The following XPNPEP3 variants were observed in gnomAD, a reference collection of about 807,000 sequenced individuals.
XPNPEP3 encodes xaa-Pro aminopeptidase 3.
In XPNPEP3, 41 loss-of-function variants were observed where a neutral mutation model predicts 60.0. The observed-to-expected ratio is 0.68, with a 90% CI of 0.53 to 0.89. The LOEUF is 0.89. Ranked by LOEUF, XPNPEP3 falls within the 40% of genes least tolerant of loss-of-function variation. XPNPEP3 has a pLI of 0.00. For missense variants in XPNPEP3, 598 were observed against 638.9 expected, an observed-to-expected ratio of 0.94 and a Z score of 0.69; for synonymous variants, 212 against 223.2, an observed-to-expected ratio of 0.95 and a Z score of 0.45.
intron 3 of XPNPEP3, 57 bp downstream of exon 3, chr22:40,882,234 T>C: frequency 6.3e-7 from 1 of 1,598,768 alleles, no homozygotes; most frequent in Non-Finnish European, 8.6e-7. Flanking sequence ...AAACCTTTCT[T>C]GCCTGTTTAG....
At chr22:40,884,081 A>T (rs2058058776) in intron 3 of XPNPEP3, among the ~76,000 whole-genome samples, 1 of 152,172 alleles carries the variant, frequency 6.6e-6, no homozygotes, top group South Asian at 2.1e-4. Context: ...TGTAAGTTCT[A>T]ATACATTTGA....
chr22:40,889,183 A>G (rs896911847), intron 4 of XPNPEP3, among the ~76,000 whole-genome samples: 2 of 148,824 alleles, frequency 1.3e-5, no homozygotes, highest in Admixed American at 1.3e-4. Flanking sequence ...GGCACATACC[A>G]CCATGGCTGT....
At chr22:40,899,523 C>T (rs2058122927) in intron 4 of XPNPEP3, among the ~76,000 whole-genome samples, 1 of 151,838 alleles carries the variant, frequency 6.6e-6, no homozygotes, top group South Asian at 2.1e-4. Context: ...TATCCATATG[C>T]AAAAGAATGA....
intron 7 of XPNPEP3, among the ~76,000 whole-genome samples, chr22:40,916,684 T>C (rs773689889): frequency 1.3e-5 from 2 of 152,012 alleles, no homozygotes; most frequent in Non-Finnish European, 2.9e-5. Context: ...TGAAAAGAGG[T>C]GGAGGAGGAG....
intron 1 of XPNPEP3, chr22:40,861,954 G>A (rs1255453340): frequency 3.1e-6 from 5 of 1,609,816 alleles, no homozygotes; most frequent in Non-Finnish European, 4.2e-6. Context: ...CTCAGGTGAA[G>A]CATATCTTTG....
chr22:40,861,152 A>G, intron 1 of XPNPEP3: 1 of 1,614,122 alleles, frequency 6.2e-7, no homozygotes, highest in Non-Finnish European at 8.5e-7. Context: ...CTGCTGAGAA[A>G]ATAGGGGGAT....
intron 2 of XPNPEP3, among the ~76,000 whole-genome samples, chr22:40,877,229 A>G (rs2058031128): frequency 6.6e-6 from 1 of 152,204 alleles, no homozygotes; most frequent in South Asian, 2.1e-4. Context: ...CCTGTTTTAC[A>G]TTATAAAGGA....
chr22:40,875,395 T>G (rs1290574836), intron 2 of XPNPEP3, among the ~76,000 whole-genome samples: 1 of 152,132 alleles, frequency 6.6e-6, no homozygotes, highest in Non-Finnish European at 1.5e-5. Context: ...ACTTATATAA[T>G]TTTTTTAAAT....
At chr22:40,858,830 T>TAGGAAA (rs2057923133) in intron 1 of XPNPEP3, among the ~76,000 whole-genome samples, 1 of 152,170 alleles carries the variant, frequency 6.6e-6, no homozygotes, top group Admixed American at 6.5e-5. Context: ...GCGCCCGGCT[T>TAGGAAA]AGGAAAAGAT....
chr22:40,892,575 C>A (rs2058092179), intron 4 of XPNPEP3, among the ~76,000 whole-genome samples: 1 of 152,190 alleles, frequency 6.6e-6, no homozygotes, highest in Admixed American at 6.6e-5. Flanking sequence ...TCCACTAAGG[C>A]TCTCTTATTT....
chr22:40,879,950 C>G (rs1326813632), intron 2 of XPNPEP3, among the ~76,000 whole-genome samples: 2 of 150,556 alleles, frequency 1.3e-5, no homozygotes, highest in Non-Finnish European at 3.0e-5. Context: ...TCACTTGAAC[C>G]CAGGAGGTAA....
rs1018473750 is a variant in XPNPEP3, at chr22:40,894,464, G to A, written c.792+7949G>A. On this transcript the variant is annotated intron_variant, in intron 4 of 9. Coordinates refer to ENST00000357137, the MANE Select transcript of XPNPEP3 (RefSeq NM_022098.4). ...CAGTGGTTACTGCAGTCAAGCAAAT[G>A]CCTTTATATTAATTTGAATGCAAAC... Among the ~76,000 whole-genome samples, 7 of 152,150 alleles carry A rather than the reference G, an allele frequency of 4.6e-5. 1 individual carries two copies. Among genetic ancestry groups the A allele is most frequent in the Non-Finnish European group, 1.0e-4 (7 of 68,022 alleles).
At chr22:40,924,214 C>G (rs1296757235) in intron 8 of XPNPEP3, 148 bp from the exon 9 acceptor site, 1 of 1,089,172 alleles carries the variant, frequency 9.2e-7, no homozygotes, top group African/African-American at 1.5e-5. Context: ...TTTTCAGGTG[C>G]CTTTAAGTAT....
Position 40,898,225 on chromosome 22 carries a change from A to ATTTTTTTTTTTTTTTT in XPNPEP3, c.793-9338_793-9323dup, listed in dbSNP as rs71200626. On this transcript the variant is annotated intron_variant, in intron 4 of 9. Coordinates refer to ENST00000357137, the MANE Select transcript of XPNPEP3 (RefSeq NM_022098.4). ...TGTTTTATGTTTAGGTCTTTGACCC[A>ATTTTTTTTTTTTTTTT]TTTTTTTTTTTTTTTTTTTTTTTTT... Among the ~76,000 whole-genome samples, 4 of 28,784 alleles carry ATTTTTTTTTTTTTTTT rather than the reference A, an allele frequency of 1.4e-4. 1 individual carries two copies. Among genetic ancestry groups the ATTTTTTTTTTTTTTTT allele is most frequent in the East Asian group, 2.2e-3 (2 of 918 alleles). 18.9% of individuals were successfully genotyped at this position (28,784 alleles called of 152,430 possible).
chr22:40,863,367 C>G (rs1449821507), intron 1 of XPNPEP3, among the ~76,000 whole-genome samples: 1 of 152,168 alleles, frequency 6.6e-6, no homozygotes, highest in Admixed American at 6.5e-5. Context: ...ATTTTATTGT[C>G]TGAGAAAATT....
chr22:40,890,672 G>T (rs181643125), intron 4 of XPNPEP3, among the ~76,000 whole-genome samples: 17 of 151,482 alleles, frequency 1.1e-4, no homozygotes, highest in African/African-American at 4.1e-4. Flanking sequence ...TTCAAGCCCA[G>T]CCTGGGCAAC....
In XPNPEP3 at chr22:40,907,611, A is replaced by G. The variant is rs138501598; in HGVS notation, c.817A>G (p.Ser273Gly). The change falls in exon 5 of 10, where the codon AGT becomes GGT. Residue 273 changes from serine to glycine, a missense_variant. By Grantham distance (56) the Ser-to-Gly change is moderately conservative. Transcript: ENST00000357137. ...SQAFIETMFT[S>G]KAPVEEAFLY... is the part of the protein sequence containing the mutation. The stretch of plus-strand genomic sequence containing the variant: ...GGCTTTCATAGAAACCATGTTCACC[A>G]GTAAAGCCCCTGTGGAAGAAGCCTT... The G allele has an allele frequency of 8.2e-4, 1,323 of 1,614,094 alleles. 1 individual carries two copies. Among genetic ancestry groups the G allele is most frequent in the Non-Finnish European group, 7.9e-4 (938 of 1,179,984 alleles).
chr22:40,882,822 G>T (rs2058053685), intron 3 of XPNPEP3, among the ~76,000 whole-genome samples: 1 of 152,038 alleles, frequency 6.6e-6, no homozygotes, highest in South Asian at 2.1e-4. Flanking sequence ...TCACCACAAT[G>T]AATTTTAGAA....
chr22:40,869,332 AC>A (rs1569015623), intron 2 of XPNPEP3, among the ~76,000 whole-genome samples: 1 of 152,174 alleles, frequency 6.6e-6, no homozygotes, highest in African/African-American at 2.4e-5. Context: ...AAGCTTAACT[AC>A]ATGTGGGTAC....
Sources: allele counts gnomAD v4.1 joint callset (sites outside exome capture counted in the v4.1 genomes callset), GRCh38; gene constraint gnomAD v4.1.1; transcripts MANE v1.5; gene names NCBI Gene and HGNC (gene_info 2026-07-23, HGNC 2026-07-21).